Variants in ZNF438 observed in about 807,000 individuals in gnomAD.
ZNF438 encodes the protein zinc finger protein 438.
A neutral mutation model predicts 38.0 loss-of-function variants in ZNF438; 25 were observed. The observed-to-expected ratio is 0.66, with a 90% CI of 0.48 to 0.92. ZNF438 has a LOEUF of 0.92. ZNF438 is among the 40% of genes least tolerant of loss of function. ZNF438 has a pLI of 0.00. For synonymous variants in ZNF438, 372 were observed against 364.1 expected (o/e 1.02, Z -0.25); for missense variants, 1,007 against 999.6 (o/e 1.01, Z -0.10).
At chr10:30,950,369 G>C (rs1483863583) in intron 1 of ZNF438, among the ~76,000 whole-genome samples, 1 of 148,586 alleles carries the variant, frequency 6.7e-6, no homozygotes, top group East Asian at 2.0e-4. Flanking sequence ...ACATTCAAAA[G>C]CTAGCAGAAG....
intron 4 of ZNF438, among the ~76,000 whole-genome samples, chr10:30,855,953 T>C (rs4747736): frequency 0.37 from 57,024 of 152,162 alleles, 11,047 homozygotes; most frequent in Admixed American, 0.41. Flanking sequence ...TCCCACCGAA[T>C]ACGCTCTGTG....
intron 4 of ZNF438, among the ~76,000 whole-genome samples, chr10:30,860,508 T>C (rs994464): frequency 0.38 from 58,207 of 151,992 alleles, 11,440 homozygotes; most frequent in Admixed American, 0.41. Flanking sequence ...AAGAGGAAGT[T>C]TTCCTTTGCC....
At chr10:30,848,752 G>A in exon 5 of ZNF438, 2 of 1,614,224 alleles carry the variant, frequency 1.2e-6, no homozygotes, top group Non-Finnish European at 1.7e-6. Context: ...TCATGTGTGT[G>A]CTCAGGCTGC....
Position 30,900,225 on chromosome 10 carries a change from G to GT in ZNF438, c.-32+8707dup, listed in dbSNP as rs1260910736. On this transcript the variant is annotated intron_variant, in intron 3 of 5. Transcript: ENST00000413025. ...CATTGATCACAAAATATCATCCTTT[G>GT]TTTTTTTTCAACAATTTAGAAATAT... 7.9e-5 allele frequency among the ~76,000 whole-genome samples: 12 copies of GT among 151,580 alleles called. No individual in the cohort carries two copies. The South Asian group carries it at 1.9e-3, about 24-fold the overall frequency.
chr10:30,894,332 A>T (rs2041066241), intron 3 of ZNF438, among the ~76,000 whole-genome samples: 1 of 152,224 alleles, frequency 6.6e-6, no homozygotes, highest in African/African-American at 2.4e-5. Context: ...GGCAACATCT[A>T]GGCTTAATAA....
intron 2 of ZNF438, among the ~76,000 whole-genome samples, chr10:30,911,361 G>A (rs1197438427): frequency 6.6e-6 from 1 of 152,094 alleles, no homozygotes; most frequent in Admixed American, 6.5e-5. Flanking sequence ...TCTAAAATAA[G>A]TAAAATGTAA....
At chr10:31,019,567 C>T (rs1365911670) in intron 1 of ZNF438, among the ~76,000 whole-genome samples, 2 of 151,844 alleles carry the variant, frequency 1.3e-5, no homozygotes, top group Admixed American at 1.3e-4. Flanking sequence ...GGATTAAAAT[C>T]CAGTGTATGC....
chr10:30,953,751 A>G (rs954156714), intron 1 of ZNF438, among the ~76,000 whole-genome samples: 2 of 152,162 alleles, frequency 1.3e-5, no homozygotes, highest in East Asian at 3.8e-4. Flanking sequence ...ACTGTTAGTG[A>G]AGGTTTGAAC....
At chr10:30,943,038 A>C (rs544344252) in intron 1 of ZNF438, among the ~76,000 whole-genome samples, 1 of 152,306 alleles carries the variant, frequency 6.6e-6, no homozygotes, top group South Asian at 2.1e-4. Flanking sequence ...TTAACCAATA[A>C]ATTTTAGTCT....
chr10:30,932,815 A>G (rs1170148174), intron 2 of ZNF438, among the ~76,000 whole-genome samples: 1 of 152,226 alleles, frequency 6.6e-6, no homozygotes, highest in Non-Finnish European at 1.5e-5. Flanking sequence ...CCCTAATCCA[A>G]TGTACTGGTA....
chr10:31,015,921 T>C (rs953685397), intron 1 of ZNF438, among the ~76,000 whole-genome samples: 8 of 152,226 alleles, frequency 5.3e-5, no homozygotes, highest in Non-Finnish European at 1.0e-4. Flanking sequence ...GCACCAGTTC[T>C]ATCTGATCAG....
At chr10:30,899,378 C>T (rs1169550731) in intron 3 of ZNF438, among the ~76,000 whole-genome samples, 7 of 152,102 alleles carry the variant, frequency 4.6e-5, no homozygotes, top group South Asian at 2.1e-4. Flanking sequence ...CTAAATGATT[C>T]GTGTGACAAA....
chr10:30,995,310 C>T (rs958237972), intron 1 of ZNF438, among the ~76,000 whole-genome samples: 2 of 152,132 alleles, frequency 1.3e-5, no homozygotes, highest in Non-Finnish European at 2.9e-5. Context: ...TAACAGCTGA[C>T]TTCTCATTAG....
intron 1 of ZNF438, among the ~76,000 whole-genome samples, chr10:31,008,753 G>A (rs1325538242): frequency 6.6e-6 from 1 of 152,144 alleles, no homozygotes; most frequent in African/African-American, 2.4e-5. Flanking sequence ...ATAAGTTTTT[G>A]TATGTAGGTA....
intron 3 of ZNF438, among the ~76,000 whole-genome samples, chr10:30,901,686 G>A (rs1415637723): frequency 1.3e-5 from 2 of 151,850 alleles, no homozygotes; most frequent in East Asian, 2.0e-4. Flanking sequence ...TAGTCTCACC[G>A]CTTGGCGATA....
At chr10:31,015,821 C>G (rs2056147693) in intron 1 of ZNF438, among the ~76,000 whole-genome samples, 1 of 152,170 alleles carries the variant, frequency 6.6e-6, no homozygotes, top group African/African-American at 2.4e-5. Flanking sequence ...TGATGAGGAC[C>G]CTCTTCCTTG....
intron 4 of ZNF438, among the ~76,000 whole-genome samples, chr10:30,872,883 T>G (rs996711933): frequency 6.6e-6 from 1 of 152,182 alleles, no homozygotes; most frequent in African/African-American, 2.4e-5. Flanking sequence ...TCATTCTGAC[T>G]ACCCAAGATA....
intron 1 of ZNF438, among the ~76,000 whole-genome samples, chr10:31,009,344 G>A (rs1246521874): frequency 6.6e-6 from 1 of 152,146 alleles, no homozygotes; most frequent in African/African-American, 2.4e-5. Context: ...CTGTGCCTCT[G>A]CTTCCATTAA....
intron 1 of ZNF438, among the ~76,000 whole-genome samples, chr10:31,026,731 C>T (rs1303641433): frequency 6.6e-6 from 1 of 152,062 alleles, no homozygotes; most frequent in African/African-American, 2.4e-5. Context: ...CCCAGCCATC[C>T]CATGACTGGG....
Sources: gnomAD v4.1 joint callset for allele counts (sites outside exome capture counted in the v4.1 genomes callset) on GRCh38, gnomAD v4.1.1 for gene constraint, MANE v1.5 for transcripts, NCBI Gene and HGNC (gene_info 2026-07-23, HGNC 2026-07-21) for gene names.